Variants in ITGA11 observed in about 807,000 individuals in gnomAD.
ITGA11 encodes integrin subunit alpha 11.
Under a neutral mutation model 141.9 loss-of-function variants are expected in ITGA11, and 97 were observed. The observed-to-expected ratio is 0.68, with a 90% CI of 0.58 to 0.81. ITGA11 has a LOEUF of 0.81. ITGA11 is among the 30% of genes least tolerant of loss of function. The probability of loss-of-function intolerance (pLI) is 0.00; values close to 1 mark genes in which losing one functional copy is unlikely to be tolerated. For missense variants in ITGA11, 1,387 were observed against 1,559.2 expected, an observed-to-expected ratio of 0.89 and a Z score of 1.86; for synonymous variants, 658 against 624.6, an observed-to-expected ratio of 1.05 and a Z score of -0.80.
At chr15:68,323,345 A>G (rs893219582) in intron 18 of ITGA11, among the ~76,000 whole-genome samples, 5 of 152,232 alleles carry the variant, frequency 3.3e-5, no homozygotes, top group African/African-American at 9.7e-5. Context: ...CCCACTCAGC[A>G]TACTGTTTAA....
In ITGA11 at chr15:68,414,756, G is replaced by A. The variant is rs142976403; in HGVS notation, c.53-11727C>T. Among the ~76,000 whole-genome samples, 455 of 152,286 alleles carry A rather than the reference G, an allele frequency of 3.0e-3. 3 individuals carry two copies. The highest frequency in any genetic ancestry group is 0.011 in the African/African-American group (444 of 41,560). ...CTATCAGATTGGCTTTTGGGACTGA[G>A]GTCATTCCCTCCTTCCCCTCTAGCA... On this transcript the variant is annotated intron_variant, in intron 1 of 29. Transcript: ENST00000315757.
rs978350609 is a variant in ITGA11, at chr15:68,328,611, A to G, written c.1902-349T>C. Among the ~76,000 whole-genome samples the G allele has an allele frequency of 6.6e-6, 1 of 152,192 alleles. No individual in the cohort carries two copies. Among genetic ancestry groups the G allele is most frequent in the Non-Finnish European group, 1.5e-5 (1 of 68,044 alleles). On this transcript the variant is annotated intron_variant, in intron 15 of 29. Transcript: ENST00000315757. The surrounding 1 kb of genome is among the most constrained non-coding windows in gnomAD (Gnocchi z 4.8). ...CCCACCCTGGATGCACATGTGAGTC[A>G]TCTGAAGAGCTTAAAAAAATCCTGG... is the stretch of plus-strand genomic sequence containing the variant.
chr15:68,412,668 CTTTTTTT>C (rs71145169), intron 1 of ITGA11, among the ~76,000 whole-genome samples: 17 of 59,252 alleles, frequency 2.9e-4, no homozygotes, highest in Non-Finnish European at 3.8e-4. Flanking sequence ...AACTTATTCG[CTTTTTTT>C]TTTTTTTTTT....
intron 1 of ITGA11, among the ~76,000 whole-genome samples, chr15:68,408,534 A>T (rs2140420724): frequency 6.6e-6 from 1 of 152,132 alleles, no homozygotes; most frequent in East Asian, 1.9e-4. Context: ...TCAGCTTGGG[A>T]GAGTGGCTCA....
At chr15:68,356,106 A>AT (rs10574703) in intron 7 of ITGA11, among the ~76,000 whole-genome samples, 1 of 151,168 alleles carries the variant, frequency 6.6e-6, no homozygotes, top group African/African-American at 2.4e-5. Context: ...ATTTTATTTT[A>AT]TTTTTTTGAG....
chr15:68,382,165 A>G (rs554502541), intron 2 of ITGA11, among the ~76,000 whole-genome samples: 1 of 152,360 alleles, frequency 6.6e-6, no homozygotes, highest in South Asian at 2.1e-4. Context: ...AGCCATAAAG[A>G]AACAAAAAGG....
At position 68,325,594 on chromosome 15, in the gene ITGA11, C is replaced by T. The variant is rs1893950300; in HGVS notation, c.2212-353G>A. On this transcript the variant is annotated intron_variant, in intron 17 of 29. Transcript: ENST00000315757. This position sits in a 1 kb window ranked among gnomAD's most constrained non-coding sequence, Gnocchi z 5.5. ...CACCCCACCCACCACTCTCTTCAGACCAGTTACGCCTGCTGCTCATGTAGC... is the reference window on the plus strand; with the variant it reads ...CACCCCACCCACCACTCTCTTCAGATCAGTTACGCCTGCTGCTCATGTAGC... Among the ~76,000 whole-genome samples the T allele has an allele frequency of 6.6e-6, 1 of 152,140 alleles. No individual in the cohort carries two copies. The highest frequency in any genetic ancestry group is 1.5e-5 in the Non-Finnish European group (1 of 68,016).
intron 2 of ITGA11, among the ~76,000 whole-genome samples, chr15:68,374,369 C>G (rs1228331366): frequency 2.0e-5 from 1 of 50,960 alleles, no homozygotes; most frequent in Non-Finnish European, 4.0e-5. Flanking sequence ...TACCTGGGAA[C>G]AGGCCTCGAG....
rs1261491665 is a variant in ITGA11, at chr15:68,348,909, G to A, written c.1061-9C>T. 1 of 1,599,858 alleles carries A rather than the reference G, an allele frequency of 6.3e-7. No homozygotes were observed. ...CTCGTTCTTGTTGGTGCCTGCAACA[G>A]AGTGACAGAGAGATGTCAGCTCCAT... On this transcript the variant is annotated splice_polypyrimidine_tract_variant and intron_variant, in intron 9 of 29. Coordinates refer to ENST00000315757, the MANE Select transcript of ITGA11 (RefSeq NM_001004439.2).
In ITGA11 at chr15:68,328,060, G is replaced by A. The variant is rs1894036066; in HGVS notation, c.2068+36C>T. The A allele has an allele frequency of 6.3e-7, 1 of 1,589,922 alleles. No individual in the cohort carries two copies. Among genetic ancestry groups the A allele is most frequent in the African/African-American group, 1.3e-5 (1 of 74,658 alleles). On this transcript the variant is annotated intron_variant, in intron 16 of 29. Coordinates refer to ENST00000315757, the MANE Select transcript of ITGA11 (RefSeq NM_001004439.2). This position sits in a 1 kb window ranked among gnomAD's most constrained non-coding sequence, Gnocchi z 4.8. ...GAGCAAGGTGCAGGGGGAGACTGGA[G>A]TCTGGGGGTGGGGAGAAAGGAGGGG...
At chr15:68,343,016 TC>T (rs1161137965) in intron 10 of ITGA11, among the ~76,000 whole-genome samples, 4 of 149,646 alleles carry the variant, frequency 2.7e-5, no homozygotes, top group South Asian at 4.4e-4. Flanking sequence ...TCTCTCTCTC[TC>T]TCTCTCTCTC....
intron 10 of ITGA11, among the ~76,000 whole-genome samples, chr15:68,347,582 T>A (rs1180125640): frequency 6.6e-6 from 1 of 152,196 alleles, no homozygotes; most frequent in Non-Finnish European, 1.5e-5. Context: ...GCCGGCTGCA[T>A]GTCACGCACA....
intron 6 of ITGA11, among the ~76,000 whole-genome samples, chr15:68,357,857 C>G (rs188534607): frequency 2.6e-5 from 4 of 152,302 alleles, no homozygotes; most frequent in African/African-American, 9.6e-5. Context: ...TGGACTTTCA[C>G]CCATGATACC....
intron 5 of ITGA11, among the ~76,000 whole-genome samples, chr15:68,360,669 T>C (rs1385933971): frequency 6.6e-6 from 1 of 152,172 alleles, no homozygotes; most frequent in Non-Finnish European, 1.5e-5. Flanking sequence ...AGGGACTAGC[T>C]CTAGGGGTGG....
chr15:68,423,007 A>G (rs1897055601), intron 1 of ITGA11, among the ~76,000 whole-genome samples: 1 of 152,194 alleles, frequency 6.6e-6, no homozygotes, highest in African/African-American at 2.4e-5. Flanking sequence ...TCCAAAGGCT[A>G]TTGTGCTATT....
At position 68,321,742 on chromosome 15, in the gene ITGA11, C is replaced by G. The variant is rs1330236287; in HGVS notation, c.2323-239G>C. ...TCATAACTGAGCTGATGGCACAGAA[C>G]CCCCACCCCCACTCACCCAGCAGAG... On this transcript the variant is annotated intron_variant, in intron 18 of 29. Transcript: ENST00000315757. This position sits in a 1 kb window ranked among gnomAD's most constrained non-coding sequence, Gnocchi z 4.9. Among the ~76,000 whole-genome samples, 3 of 152,170 alleles carry G rather than the reference C, an allele frequency of 2.0e-5. No individual in the cohort carries two copies. The highest frequency in any genetic ancestry group is 1.3e-4 in the Admixed American group (2 of 15,268).
At chr15:68,369,077 G>A (rs1270716617) in intron 3 of ITGA11, 107 bp downstream of exon 3, 3 of 781,908 alleles carry the variant, frequency 3.8e-6, no homozygotes, top group South Asian at 3.2e-5. Context: ...ATCTCATGGA[G>A]TAGCAGGAAG....
chr15:68,296,537 T>A lies in ITGA11; in HGVS notation c.*6522A>T, dbSNP rs529615658. 6.6e-6 allele frequency: 1 copy of A among 152,340 alleles called. No individual in the cohort carries two copies. Among genetic ancestry groups the A allele is most frequent in the East Asian group, 1.9e-4 (1 of 5,186 alleles). 9.4% of individuals were successfully genotyped at this position (152,340 alleles called of 1,614,324 possible). On this transcript the variant is annotated 3_prime_UTR_variant, in exon 30 of 30. Transcript: ENST00000315757. ...TAATGAAAAATAGCATTTCATGGTT[T>A]GATTTGTATGCCTTTATTATGAGTA... is the stretch of plus-strand genomic sequence containing the variant.
intron 1 of ITGA11, among the ~76,000 whole-genome samples, chr15:68,422,028 C>T (rs1477734003): frequency 6.6e-6 from 1 of 152,140 alleles, no homozygotes; most frequent in East Asian, 1.9e-4. Context: ...TTCTAAAAGG[C>T]TTTTAAAGTC....
Sources: allele counts gnomAD v4.1 joint callset (sites outside exome capture counted in the v4.1 genomes callset), GRCh38; gene constraint gnomAD v4.1.1; non-coding constraint Gnocchi (gnomAD v3.1); transcripts MANE v1.5; gene names NCBI Gene and HGNC (gene_info 2026-07-23, HGNC 2026-07-21).